The following PTPRQ variants were observed in gnomAD, a reference collection of about 807,000 sequenced individuals.
PTPRQ encodes protein tyrosine phosphatase receptor type Q.
Under a neutral mutation model 246.0 loss-of-function variants are expected in PTPRQ, and 199 were observed. The observed-to-expected ratio is 0.81, with a 90% CI of 0.72 to 0.91. The LOEUF (loss-of-function observed/expected upper bound fraction) is 0.91. Ranked by LOEUF, PTPRQ falls within the 40% of genes least tolerant of loss-of-function variation. The pLI is 0.00. For synonymous variants in PTPRQ, 869 were observed against 853.2 expected (o/e 1.02, Z -0.32); for missense variants, 2,624 against 2,528.4 (o/e 1.04, Z -0.81).
At chr12:80,483,046 A>G (rs2120601615) in intron 8 of PTPRQ, among the ~76,000 whole-genome samples, 1 of 121,226 alleles carries the variant, frequency 8.2e-6, no homozygotes, top group South Asian at 2.8e-4. Context: ...AAAGGACTAT[A>G]AATCATGCTG....
intron 9 of PTPRQ, among the ~76,000 whole-genome samples, chr12:80,487,502 A>G (rs1212574779): frequency 1.3e-5 from 2 of 152,146 alleles, no homozygotes; most frequent in Admixed American, 1.3e-4. Context: ...GTCATTGTCT[A>G]AGAAACCATG....
intron 14 of PTPRQ, among the ~76,000 whole-genome samples, chr12:80,504,761 TCATGGATTTAGTCAA>T (rs1392991702): frequency 6.6e-6 from 1 of 151,934 alleles, no homozygotes; most frequent in Non-Finnish European, 1.5e-5. Flanking sequence ...CATATAGATA[TCATGGATTTAGTCAA>T]CATATGATCA....
intron 9 of PTPRQ, among the ~76,000 whole-genome samples, chr12:80,485,053 C>T (rs1684988246): frequency 6.6e-6 from 1 of 151,560 alleles, no homozygotes. Flanking sequence ...TTTCTCAAAG[C>T]TGCCTCTTTT....
chr12:80,510,343 G>A lies in PTPRQ; in HGVS notation c.2578G>A (p.Asp860Asn). ...EEDAPDSPPQ[D>N]FSVKQLSGVT... is the part of the protein sequence containing the mutation. ...TACAGCTCCTGATTCTCCCCCTCAA[G>A]ACTTCTCTGTAAAACAGTTGTCTGG... The change falls in exon 17 of 45, where the codon GAC becomes AAC. Residue 860 changes from aspartate to asparagine, a missense_variant. Coordinates refer to ENST00000644991, the MANE Select transcript of PTPRQ (RefSeq NM_001145026.2). 6.5e-7 allele frequency: 1 copy of A among 1,548,122 alleles called. No individual in the cohort carries two copies. The highest frequency in any genetic ancestry group is 1.4e-5 in the African/African-American group (1 of 72,930).
chr12:80,648,838 C>G, intron 35 of PTPRQ, 59 bp from the exon 36 acceptor site: 4 of 1,457,808 alleles, frequency 2.7e-6, no homozygotes, highest in Non-Finnish European at 3.6e-6. Context: ...ATCTACACTT[C>G]TTTCAGAATT....
intron 25 of PTPRQ, among the ~76,000 whole-genome samples, chr12:80,560,696 G>A (rs1896797496): frequency 6.6e-6 from 1 of 152,174 alleles, no homozygotes; most frequent in Admixed American, 6.5e-5. Flanking sequence ...TTACGGAAAT[G>A]TGTTTAGTGA....
rs1534499 is a variant in PTPRQ at position 80,619,760 on chromosome 12, T to G, written c.5389+218T>G. Among the ~76,000 whole-genome samples, 26,912 of 151,460 alleles carry G rather than the reference T, an allele frequency of 0.18. 2,936 individuals carry two copies. The highest frequency in any genetic ancestry group is 0.25 in the Non-Finnish European group (16,601 of 67,624). On this transcript the variant is annotated intron_variant, in intron 31 of 44. Coordinates refer to ENST00000644991, the MANE Select transcript of PTPRQ (RefSeq NM_001145026.2). ...TAAAACTTTTATAAATGTCATTTATTTATACCAATTATTTATTCTTTTTTA... is the reference window on the plus strand; with the variant it reads ...TAAAACTTTTATAAATGTCATTTATGTATACCAATTATTTATTCTTTTTTA...
intron 26 of PTPRQ, among the ~76,000 whole-genome samples, chr12:80,592,835 C>A (rs1897845424): frequency 6.6e-6 from 1 of 151,970 alleles, no homozygotes; most frequent in Admixed American, 6.6e-5. Context: ...CATGGTGAAA[C>A]CCTGTCTCTT....
intron 16 of PTPRQ, among the ~76,000 whole-genome samples, chr12:80,508,999 G>A (rs1895047154): frequency 6.6e-6 from 1 of 151,982 alleles, no homozygotes; most frequent in Non-Finnish European, 1.5e-5. Context: ...TTACAAGGAT[G>A]CTAGGAAAAA....
At chr12:80,477,181 C>A (rs1893837551) in intron 8 of PTPRQ, among the ~76,000 whole-genome samples, 1 of 152,002 alleles carries the variant, frequency 6.6e-6, no homozygotes, top group Non-Finnish European at 1.5e-5. Context: ...AGTGAGGGCA[C>A]CTGAAATTTG....
At chr12:80,574,992 G>A (rs541694564) in intron 25 of PTPRQ, among the ~76,000 whole-genome samples, 6 of 151,916 alleles carry the variant, frequency 3.9e-5, no homozygotes, top group East Asian at 3.9e-4. Flanking sequence ...CAATAGCTGC[G>A]TTTTTTTTCC....
intron 28 of PTPRQ, among the ~76,000 whole-genome samples, chr12:80,611,946 A>G (rs1898569044): frequency 6.6e-6 from 1 of 150,470 alleles, no homozygotes; most frequent in African/African-American, 2.4e-5. Context: ...TAGTACGTTT[A>G]TCTGCTTCTC....
chr12:80,493,480 A>T, intron 10 of PTPRQ, 25 bp downstream of exon 10: 1 of 1,541,518 alleles, frequency 6.5e-7, no homozygotes, highest in Non-Finnish European at 8.8e-7. Context: ...GATTTTCTAT[A>T]AAGTTCATTT....
intron 37 of PTPRQ, among the ~76,000 whole-genome samples, chr12:80,650,764 A>C (rs1900229525): frequency 6.6e-6 from 1 of 152,054 alleles, no homozygotes; most frequent in Non-Finnish European, 1.5e-5. Context: ...TTTCCCTAGA[A>C]TAAGAGTGAA....
At chr12:80,572,261 A>G (rs1402551533) in intron 25 of PTPRQ, among the ~76,000 whole-genome samples, 6 of 152,040 alleles carry the variant, frequency 3.9e-5, no homozygotes, top group African/African-American at 1.4e-4. Context: ...AATTATTTGC[A>G]TGTATTTAAT....
Position 80,549,601 on chromosome 12 carries a change from T to G in PTPRQ, c.4152T>G (p.Val1384=). Residue 1384 remains valine (V), a synonymous_variant, in exon 25 of 45, where the codon GTT becomes GTG. Transcript: ENST00000644991. ...CAGTTGAAAGGAATTCTACAAAAGT[T>G]TCTCCCCAAGATCACATGTACACTT... ...MVTVERNSTK[V]SPQDHMYTFI... 2 of 1,551,228 alleles carry G rather than the reference T, an allele frequency of 1.3e-6. No homozygotes were observed. The highest frequency in any genetic ancestry group is 1.2e-5 in the South Asian group (1 of 84,050).
chr12:80,512,924 G>A (rs1336531251), intron 17 of PTPRQ: 1 of 152,034 alleles, frequency 6.6e-6, no homozygotes, highest in Non-Finnish European at 1.5e-5. Context: ...CGGGGCGTGC[G>A]ACCGGGGTGT....
intron 8 of PTPRQ, among the ~76,000 whole-genome samples, chr12:80,480,793 C>T (rs997084277): frequency 2.4e-4 from 36 of 152,234 alleles, no homozygotes; most frequent in Middle Eastern, 6.8e-3. Flanking sequence ...ATAAATTCCT[C>T]GACACATACA....
intron 25 of PTPRQ, chr12:80,586,860 T>C (rs997988513): frequency 6.6e-6 from 1 of 152,212 alleles, no homozygotes; most frequent in Non-Finnish European, 1.5e-5. Flanking sequence ...TTATAGAGCA[T>C]TTACATTGTG....
Sources: allele counts gnomAD v4.1 joint callset (sites outside exome capture counted in the v4.1 genomes callset), GRCh38; gene constraint gnomAD v4.1.1; transcripts MANE v1.5; gene names NCBI Gene and HGNC (gene_info 2026-07-23, HGNC 2026-07-21).